ZMAT4: variants seen among roughly 807,000 people sequenced by gnomAD.
ZMAT4 encodes the protein zinc finger matrin-type protein 4.
A neutral mutation model predicts 28.7 loss-of-function variants in ZMAT4; 17 were observed. The observed-to-expected ratio is 0.59, with a 90% CI of 0.41 to 0.89. The LOEUF is 0.89. Ranked by LOEUF, ZMAT4 falls within the 40% of genes least tolerant of loss-of-function variation. ZMAT4 has a pLI of 0.00. For synonymous variants in ZMAT4, 117 were observed against 109.2 expected (o/e 1.07, Z -0.44); for missense variants, 240 against 283.8 (o/e 0.85, Z 1.11).
chr8:40,877,749 GGAGA>G (rs1247333328), intron 1 of ZMAT4, among the ~76,000 whole-genome samples: 1 of 152,104 alleles, frequency 6.6e-6, no homozygotes. Flanking sequence ...AGAGAAAGAC[GGAGA>G]GAGTTTTCTC....
chr8:40,823,308 T>C (rs1197223308), intron 2 of ZMAT4, among the ~76,000 whole-genome samples: 1 of 152,096 alleles, frequency 6.6e-6, no homozygotes, highest in Non-Finnish European at 1.5e-5. Context: ...TGGGAGGCTA[T>C]GGAATTTCAG....
intron 5 of ZMAT4, among the ~76,000 whole-genome samples, chr8:40,617,624 G>A (rs1462727903): frequency 6.6e-6 from 1 of 152,158 alleles, no homozygotes; most frequent in Non-Finnish European, 1.5e-5. Flanking sequence ...TATTCTTTGA[G>A]CAAATATCTG....
chr8:40,647,098 C>T (rs559575431), intron 5 of ZMAT4, among the ~76,000 whole-genome samples: 17 of 152,250 alleles, frequency 1.1e-4, no homozygotes, highest in South Asian at 4.1e-4. Context: ...GGAACAGCTC[C>T]GGTCTACAGC....
Position 40,881,570 on chromosome 8 carries a change from GAAAGAAAGAAAGAAAGAAAGAAAGAAAGA to G in ZMAT4, c.-5+16084_-5+16112del, listed in dbSNP as rs1464745422. ...AGAAAGAAAGAAAGAAAGAAAGAAAGAAAGAAAGAAAGAAAGAAAGAAAGAAAGAAAAGAAAAGAAAAGAGAGAGAGAAA... is the reference window on the plus strand; with the variant it reads ...AGAAAGAAAGAAAGAAAGAAAGAAAGAAAGAAAAGAAAAGAGAGAGAGAAA... On this transcript the variant is annotated intron_variant, in intron 1 of 6. Coordinates refer to ENST00000297737, the MANE Select transcript of ZMAT4 (RefSeq NM_024645.3). 1.5e-4 allele frequency among the ~76,000 whole-genome samples: 15 copies of G among 103,144 alleles called. No individual in the cohort carries two copies. The East Asian group carries it at 4.5e-3, about 31-fold the overall frequency. The allele number at this position is 103,144 out of a possible 152,430, so 67.7% of individuals were successfully genotyped here. A position where few individuals can be genotyped will look rare whatever the true frequency, so the allele number is the denominator to read the frequency against.
At chr8:40,846,777 G>A (rs1816915322) in intron 1 of ZMAT4, among the ~76,000 whole-genome samples, 1 of 152,192 alleles carries the variant, frequency 6.6e-6, no homozygotes, top group African/African-American at 2.4e-5. Flanking sequence ...AGAGAGAGCT[G>A]CTACCGTCCG....
intron 5 of ZMAT4, among the ~76,000 whole-genome samples, chr8:40,639,418 G>A (rs141167067): frequency 6.6e-6 from 1 of 152,100 alleles, no homozygotes; most frequent in Non-Finnish European, 1.5e-5. Flanking sequence ...GCTACCTAGC[G>A]CTCCAGCCTA....
At chr8:40,646,871 ACACTT>A (rs2118791657) in intron 5 of ZMAT4, among the ~76,000 whole-genome samples, 1 of 152,358 alleles carries the variant, frequency 6.6e-6, no homozygotes, top group East Asian at 1.9e-4. Flanking sequence ...CATCTGTAGA[ACACTT>A]CACTCGTAAA....
intron 3 of ZMAT4, among the ~76,000 whole-genome samples, chr8:40,704,273 G>C (rs1810263915): frequency 6.6e-6 from 1 of 152,176 alleles, no homozygotes. Context: ...GGATCAGAAG[G>C]CCTGGAAGTC....
chr8:40,794,653 C>T (rs534434021), intron 2 of ZMAT4, among the ~76,000 whole-genome samples: 1 of 152,296 alleles, frequency 6.6e-6, no homozygotes, highest in South Asian at 2.1e-4. Context: ...TGGGTTTTAG[C>T]TCATTGATGC....
intron 2 of ZMAT4, among the ~76,000 whole-genome samples, chr8:40,768,785 G>A (rs904274887): frequency 4.6e-5 from 7 of 152,086 alleles, no homozygotes; most frequent in African/African-American, 1.4e-4. Context: ...ATCACCTCTC[G>A]AATCTATTGT....
intron 3 of ZMAT4, among the ~76,000 whole-genome samples, chr8:40,713,756 A>G (rs1810725400): frequency 6.6e-6 from 1 of 151,866 alleles, no homozygotes; most frequent in Non-Finnish European, 1.5e-5. Flanking sequence ...TAAAAACACA[A>G]AAATTAGCCT....
chr8:40,603,659 C>A (rs1805478425), intron 5 of ZMAT4, among the ~76,000 whole-genome samples: 1 of 152,090 alleles, frequency 6.6e-6, no homozygotes. Context: ...GATGGAGTCT[C>A]ACTCTGTTGC....
At chr8:40,801,672 A>C (rs1273040896) in intron 2 of ZMAT4, among the ~76,000 whole-genome samples, 1 of 152,074 alleles carries the variant, frequency 6.6e-6, no homozygotes, top group Non-Finnish European at 1.5e-5. Flanking sequence ...CTCTGTCTTA[A>C]AAAAATAATA....
At chr8:40,888,215 C>T (rs1818541397) in intron 1 of ZMAT4, among the ~76,000 whole-genome samples, 2 of 152,192 alleles carry the variant, frequency 1.3e-5, no homozygotes, top group Admixed American at 6.5e-5. Context: ...GGTAGGCCAG[C>T]AGGAAGCCCT....
chr8:40,563,487 T>C (rs985695719), intron 6 of ZMAT4, among the ~76,000 whole-genome samples: 14 of 152,172 alleles, frequency 9.2e-5, no homozygotes, highest in Admixed American at 9.2e-4. Flanking sequence ...ATTAGGTCTC[T>C]AGCAAAAGTG....
intron 5 of ZMAT4, among the ~76,000 whole-genome samples, chr8:40,623,740 A>G (rs778675222): frequency 1.2e-4 from 19 of 152,170 alleles, no homozygotes; most frequent in Non-Finnish European, 2.8e-4. Context: ...TATCCTAGAA[A>G]CCACAGGGCC....
At chr8:40,760,103 A>G (rs901795314) in intron 3 of ZMAT4, among the ~76,000 whole-genome samples, 1 of 152,136 alleles carries the variant, frequency 6.6e-6, no homozygotes, top group Non-Finnish European at 1.5e-5. Flanking sequence ...GAATGCAGAC[A>G]AGACACCACT....
chr8:40,593,102 C>T (rs75687118), intron 5 of ZMAT4, among the ~76,000 whole-genome samples: 1,893 of 152,178 alleles, frequency 0.012, 36 homozygotes, highest in African/African-American at 0.043. Flanking sequence ...TTCATAGATA[C>T]GAAATGTGTT....
intron 5 of ZMAT4, among the ~76,000 whole-genome samples, chr8:40,604,136 T>A (rs1212593949): frequency 6.6e-6 from 1 of 152,198 alleles, no homozygotes; most frequent in Non-Finnish European, 1.5e-5. Context: ...CTTTAGGGTT[T>A]TCTAGGTATA....
Sources: allele counts gnomAD v4.1 joint callset (sites outside exome capture counted in the v4.1 genomes callset), GRCh38; gene constraint gnomAD v4.1.1; transcripts MANE v1.5; gene names NCBI Gene and HGNC (gene_info 2026-07-23, HGNC 2026-07-21).